WAPL: variants seen among roughly 807,000 people sequenced by gnomAD.
WAPL encodes the protein WAPL cohesin release factor.
A neutral mutation model predicts 121.0 loss-of-function variants in WAPL; 5 were observed. The observed-to-expected ratio is 0.04, with a 90% CI of 0.02 to 0.09. The LOEUF (loss-of-function observed/expected upper bound fraction) is 0.09. WAPL is among the 10% of genes least tolerant of loss of function. WAPL has a pLI of 1.00. For missense variants in WAPL, 999 were observed against 1,410.8 expected (o/e 0.71, Z 4.68); for synonymous variants, 480 against 481.5 (o/e 1.00, Z 0.04).
At chr10:86,513,115 C>T (rs564196141) in intron 2 of WAPL, among the ~76,000 whole-genome samples, 1 of 152,140 alleles carries the variant, frequency 6.6e-6, no homozygotes, top group East Asian at 1.9e-4. Context: ...GGCACCACCT[C>T]GGCTCACTGC....
In WAPL at chr10:86,510,273, C is replaced by T. The variant is rs141014868; in HGVS notation, c.499+7298G>A. On this transcript the variant is annotated intron_variant, in intron 2 of 18. Coordinates refer to ENST00000298767, the MANE Select transcript of WAPL (RefSeq NM_015045.5). ...TATTTTTAGTAGAGACGGGATCTCA[C>T]CATGTTGGTCAGGCTGGTTTCGAAC... is the stretch of plus-strand genomic sequence containing the variant. 5.4e-3 allele frequency among the ~76,000 whole-genome samples: 816 copies of T among 152,050 alleles called. 6 individuals are homozygous for T. Among genetic ancestry groups the T allele is most frequent in the African/African-American group, 0.019 (778 of 41,458 alleles).
chr10:86,464,840 AAAACAAAC>A (rs556705467), intron 9 of WAPL, among the ~76,000 whole-genome samples: 4 of 152,226 alleles, frequency 2.6e-5, no homozygotes, highest in Non-Finnish European at 5.9e-5. Flanking sequence ...TCGTCTCAAA[AAAACAAAC>A]AAACAAACAA....
rs533310177 is a variant in WAPL at position 86,451,841 on chromosome 10, G to A, written c.3114+126C>T. On this transcript the variant is annotated intron_variant, in intron 15 of 18. Coordinates refer to ENST00000298767, the MANE Select transcript of WAPL (RefSeq NM_015045.5). Reference sequence around the variant, plus strand: ...TCAGGAGTTCTAACTAAAAAGGCCGGGGGAGGGGCAGAGAGGGCCAGCAGT... The same window carrying A: ...TCAGGAGTTCTAACTAAAAAGGCCGAGGGAGGGGCAGAGAGGGCCAGCAGT... 2.6e-5 allele frequency: 27 copies of A among 1,044,480 alleles called. No homozygotes were observed. The Admixed American group carries it at 5.8e-4, about 22-fold the overall frequency. The allele number at this position is 1,044,480 out of a possible 1,614,324, so 64.7% of individuals were successfully genotyped here.
chr10:86,467,614 A>C, intron 8 of WAPL, 108 bp from the exon 9 acceptor site: 1 of 784,980 alleles, frequency 1.3e-6, no homozygotes, highest in Non-Finnish European at 1.9e-6. Context: ...AATGCTTAAA[A>C]CTTATATTAC....
chr10:86,507,252 C>T (rs1842369469), intron 2 of WAPL, among the ~76,000 whole-genome samples: 1 of 149,468 alleles, frequency 6.7e-6, no homozygotes, highest in Non-Finnish European at 1.5e-5. Context: ...CCTATAATCC[C>T]AGCTACTCGG....
At chr10:86,453,446 A>G (rs1022576872) in intron 13 of WAPL, 111 bp from the exon 14 acceptor site, 3 of 1,252,600 alleles carry the variant, frequency 2.4e-6, no homozygotes, top group African/African-American at 1.5e-5. Context: ...TCATTCCTCT[A>G]TTGAAACATA....
At chr10:86,517,499 G>A in intron 2 of WAPL, 72 bp downstream of exon 2, 6 of 1,479,666 alleles carry the variant, frequency 4.1e-6, no homozygotes, top group Non-Finnish European at 3.6e-6. Flanking sequence ...ATATATTTTA[G>A]AATTTAAATC....
intron 1 of WAPL, among the ~76,000 whole-genome samples, chr10:86,520,472 G>C (rs568538479): frequency 4.6e-5 from 7 of 152,156 alleles, no homozygotes; most frequent in Non-Finnish European, 1.0e-4. Context: ...GATGGGTACA[G>C]AGAAGTTCAT....
chr10:86,440,434 C>A (rs901026719), intron 17 of WAPL, among the ~76,000 whole-genome samples: 1 of 148,218 alleles, frequency 6.7e-6, no homozygotes, highest in Non-Finnish European at 1.5e-5. Flanking sequence ...ACTACAGGTG[C>A]CCACCACCAC....
At chr10:86,506,495 CCACGTGTGGTGGCT>C (rs1369812541) in intron 2 of WAPL, among the ~76,000 whole-genome samples, 6 of 152,174 alleles carry the variant, frequency 3.9e-5, no homozygotes, top group African/African-American at 1.4e-4. Context: ...TCAATATTGG[CCACGTGTGGTGGCT>C]CACGCCTGTA....
chr10:86,509,765 G>GGT (rs1842420235), intron 2 of WAPL, among the ~76,000 whole-genome samples: 1 of 117,684 alleles, frequency 8.5e-6, no homozygotes, highest in African/African-American at 3.1e-5. Flanking sequence ...AAGCTCTTTG[G>GGT]TTTTTTTTTT....
At chr10:86,443,046 A>AG (rs1435378316) in intron 17 of WAPL, among the ~76,000 whole-genome samples, 4 of 151,518 alleles carry the variant, frequency 2.6e-5, no homozygotes, top group Admixed American at 2.6e-4. Context: ...CCGCCTCAAA[A>AG]AAAAAAAAAA....
Position 86,517,895 on chromosome 10 carries a change from G to C in WAPL, c.175C>G (p.Pro59Ala). ...TCTTCTTCCACTTTAGGTTTCTTCG[G>C]AATTTCTTGGATATCTGGTTTGAAA... ...PNFKPDIQEI[P>A]KKPKVEEEST... The change falls in exon 2 of 19, where the codon CCG (proline) becomes GCG (alanine). Residue 59 changes from proline to alanine, a missense_variant. Pro to Ala is a conservative substitution (Grantham distance 27, BLOSUM62 -1). This residue lies in a region of WAPL where 531 missense variants were observed against 563.1 expected (regional missense o/e 0.94). Coordinates refer to ENST00000298767, the MANE Select transcript of WAPL (RefSeq NM_015045.5). 6.2e-7 allele frequency: 1 copy of C among 1,614,010 alleles called. No individual in the cohort carries two copies. The highest frequency in any genetic ancestry group is 2.2e-5 in the East Asian group (1 of 44,868).
At position 86,438,013 on chromosome 10, in the gene WAPL, G is replaced by T; in HGVS notation, c.3414C>A (p.Ile1138=). The T allele has an allele frequency of 6.2e-7, 1 of 1,611,334 alleles. No individual in the cohort carries two copies. The highest frequency in any genetic ancestry group is 1.1e-5 in the South Asian group (1 of 90,768). ...GATATTCCCGCACAGTGGTTACATT[G>T]ATCTGAGGAAACAGAGCAAGAAATA... is the stretch of plus-strand genomic sequence containing the variant. ...LLGCLCQESP[I]NVTTVREYLP... Residue 1138 remains isoleucine, a splice_region_variant and synonymous_variant, in exon 18 of 19, where the codon ATC becomes ATA. Transcript: ENST00000298767.
chr10:86,499,932 T>C lies in WAPL; in HGVS notation c.1311A>G (p.Gly437=). 6.2e-7 allele frequency: 1 copy of C among 1,614,142 alleles called. No individual in the cohort carries two copies. ...AACTTCCAGAACCTCCTTCATCACC[T>C]CCTGTCTCATGATCTTCAAAACCAA... ...EFFGFEDHET[G]GDEGGSGSSN... is the part of the protein sequence containing the mutation. Residue 437 remains glycine, a synonymous_variant, in exon 3 of 19, where the codon GGA becomes GGG. Transcript: ENST00000298767.
At chr10:86,494,260 A>G (rs1475609145) in intron 4 of WAPL, among the ~76,000 whole-genome samples, 1 of 152,250 alleles carries the variant, frequency 6.6e-6, no homozygotes, top group Non-Finnish European at 1.5e-5. Context: ...CAAAACAAGT[A>G]TGCATAAAAC....
Position 86,504,015 on chromosome 10 carries a change from C to CA in WAPL, c.500-3273dup, listed in dbSNP as rs987878788. ...TGAAACCCTGTCTCCACTAAAAAGA[C>CA]AAAAAAAACCCAGCCAGGCGTGGTG... On this transcript the variant is annotated intron_variant, in intron 2 of 18. Coordinates refer to ENST00000298767, the MANE Select transcript of WAPL (RefSeq NM_015045.5). Among the ~76,000 whole-genome samples the CA allele has an allele frequency of 1.1e-4, 17 of 149,126 alleles. No individual in the cohort carries two copies. In the East Asian group the frequency reaches 1.4e-3, roughly 13 times the overall value.
chr10:86,506,334 T>C (rs1239069230), intron 2 of WAPL, among the ~76,000 whole-genome samples: 1 of 152,240 alleles, frequency 6.6e-6, no homozygotes, highest in Non-Finnish European at 1.5e-5. Flanking sequence ...ACAATTCTAT[T>C]TCCTAACTTA....
At chr10:86,440,004 T>C (rs1849421271) in intron 17 of WAPL, among the ~76,000 whole-genome samples, 1 of 152,254 alleles carries the variant, frequency 6.6e-6, no homozygotes, top group Non-Finnish European at 1.5e-5. Context: ...AGCTAGCTTT[T>C]TGGTGTTAAT....
Sources: allele counts gnomAD v4.1 joint callset (sites outside exome capture counted in the v4.1 genomes callset), GRCh38; gene constraint gnomAD v4.1.1; regional missense constraint gnomAD v4.1.1; transcripts MANE v1.5; gene names NCBI Gene and HGNC (gene_info 2026-07-23, HGNC 2026-07-21).